Variants in WWOX observed in about 807,000 individuals in gnomAD.
WWOX encodes WW domain-containing oxidoreductase.
Under a neutral mutation model 46.2 loss-of-function variants are expected in WWOX, and 69 were observed. The ratio of observed to expected loss-of-function variants is 1.49; its 90% CI spans 1.23 to 1.82. WWOX has a LOEUF of 1.82. Among genes scored for constraint, WWOX ranks in the 40% most tolerant of loss-of-function variants. The pLI, the probability that WWOX is intolerant of heterozygous loss-of-function variation, is 0.00. For synonymous variants in WWOX, 359 were observed against 202.6 expected (o/e 1.77, Z -6.56); for missense variants, 919 against 542.6 (o/e 1.69, Z -6.89).
At chr16:78,241,632 G>A (rs927914902) in intron 5 of WWOX, among the ~76,000 whole-genome samples, 2 of 152,100 alleles carry the variant, frequency 1.3e-5, no homozygotes, top group African/African-American at 4.8e-5. Flanking sequence ...TAGAGATGGG[G>A]TTTCAGCATG....
At chr16:78,330,269 G>A (rs759045044) in intron 5 of WWOX, among the ~76,000 whole-genome samples, 2 of 151,914 alleles carry the variant, frequency 1.3e-5, no homozygotes, top group African/African-American at 4.8e-5. Context: ...CACTTAAAGT[G>A]GTTAAAATGA....
intron 8 of WWOX, among the ~76,000 whole-genome samples, chr16:79,107,567 C>G (rs745928881): frequency 2.0e-5 from 3 of 152,214 alleles, no homozygotes; most frequent in Non-Finnish European, 4.4e-5. Context: ...AAAGACCAGC[C>G]TGACTTAGCA....
At chr16:78,841,264 A>G (rs2052140964) in intron 8 of WWOX, among the ~76,000 whole-genome samples, 1 of 152,232 alleles carries the variant, frequency 6.6e-6, no homozygotes, top group Admixed American at 6.5e-5. Flanking sequence ...ATCTTGAAAC[A>G]TCATGCAGCA....
intron 8 of WWOX, among the ~76,000 whole-genome samples, chr16:79,106,298 G>C (rs956177460): frequency 2.0e-5 from 3 of 152,124 alleles, no homozygotes; most frequent in African/African-American, 7.2e-5. Context: ...TTTTTGACCT[G>C]AGACCTCAAA....
At chr16:78,500,313 T>G (rs374880688) in intron 8 of WWOX, among the ~76,000 whole-genome samples, 5 of 152,354 alleles carry the variant, frequency 3.3e-5, no homozygotes, top group African/African-American at 1.2e-4. Flanking sequence ...TTGCCAAGAT[T>G]AAATTGAATT....
chr16:79,064,450 C>A (rs924267412), intron 8 of WWOX, among the ~76,000 whole-genome samples: 7 of 152,186 alleles, frequency 4.6e-5, no homozygotes, highest in African/African-American at 1.7e-4. Context: ...TGACTCAGCA[C>A]CTGCAGAACC....
chr16:78,256,062 A>G (rs916517029), intron 5 of WWOX, among the ~76,000 whole-genome samples: 1 of 150,144 alleles, frequency 6.7e-6, no homozygotes, highest in Non-Finnish European at 1.5e-5. Flanking sequence ...AGGCAGGAGA[A>G]TCACTCGAAC....
chr16:78,213,531 A>G (rs2036625675), intron 5 of WWOX, among the ~76,000 whole-genome samples: 3 of 151,954 alleles, frequency 2.0e-5, no homozygotes, highest in Admixed American at 2.0e-4. Context: ...CATAGTGGCA[A>G]TGCGAATGGC....
At chr16:79,073,574 T>C (rs527263320) in intron 8 of WWOX, among the ~76,000 whole-genome samples, 1 of 152,344 alleles carries the variant, frequency 6.6e-6, no homozygotes, top group Non-Finnish European at 1.5e-5. Flanking sequence ...CATTTTAAGA[T>C]CAGTGTTGCA....
At chr16:78,852,148 T>G (rs1009809530) in intron 8 of WWOX, among the ~76,000 whole-genome samples, 3 of 152,222 alleles carry the variant, frequency 2.0e-5, no homozygotes, top group Non-Finnish European at 1.5e-5. Context: ...CCTTAAATAC[T>G]TAAGAGCATG....
At chr16:79,085,677 G>C (rs1274930409) in intron 8 of WWOX, among the ~76,000 whole-genome samples, 3 of 152,212 alleles carry the variant, frequency 2.0e-5, no homozygotes, top group Admixed American at 2.0e-4. Context: ...TTAGTACCTA[G>C]AAAAATGCAT....
At chr16:78,232,349 A>G (rs1042480808) in intron 5 of WWOX, among the ~76,000 whole-genome samples, 1 of 152,216 alleles carries the variant, frequency 6.6e-6, no homozygotes, top group Non-Finnish European at 1.5e-5. Context: ...GCATTTATAA[A>G]TACACAAATT....
intron 8 of WWOX, among the ~76,000 whole-genome samples, chr16:78,951,980 G>C (rs1233549910): frequency 1.3e-5 from 2 of 152,124 alleles, no homozygotes; most frequent in African/African-American, 2.4e-5. Context: ...CCAAATGTGA[G>C]TATGCCATTC....
chr16:78,154,485 CTTTTTTTTTTTTT>C (rs557916068), intron 4 of WWOX, among the ~76,000 whole-genome samples: 2 of 77,786 alleles, frequency 2.6e-5, no homozygotes, highest in African/African-American at 5.3e-5. Flanking sequence ...AATCCTTGAT[CTTTTTTTTTTTTT>C]TTTTTTTTTT....
At chr16:78,248,586 T>A (rs1415205889) in intron 5 of WWOX, among the ~76,000 whole-genome samples, 1 of 151,934 alleles carries the variant, frequency 6.6e-6, no homozygotes, top group East Asian at 1.9e-4. Flanking sequence ...AATACAAAAA[T>A]GTAGCCAGGC....
intron 5 of WWOX, among the ~76,000 whole-genome samples, chr16:78,195,174 C>T (rs1056688918): frequency 1.3e-5 from 2 of 152,304 alleles, no homozygotes; most frequent in East Asian, 3.9e-4. Context: ...AGCCCTTCCA[C>T]TTGTTCAGAT....
chr16:78,422,768 T>C (rs1188430388), intron 6 of WWOX, among the ~76,000 whole-genome samples: 41 of 120,804 alleles, frequency 3.4e-4, no homozygotes, highest in African/African-American at 1.2e-3. Flanking sequence ...CACATATATA[T>C]ACACACATAT....
Position 78,483,629 on chromosome 16 carries a change from G to A in WWOX, c.1056+50877G>A, listed in dbSNP as rs888352531. ...CCCCCTTCACATACTTATACTGTGG[G>A]CTGCATCGCTTACCAATATTTCATC... On this transcript the variant is annotated intron_variant, in intron 8 of 8. Transcript: ENST00000566780. Among the ~76,000 whole-genome samples, 3 of 151,948 alleles carry A rather than the reference G, an allele frequency of 2.0e-5. No individual in the cohort carries two copies. In the East Asian group the frequency reaches 5.8e-4, roughly 29 times the overall value.
At chr16:78,538,894 T>G (rs1385012073) in intron 8 of WWOX, among the ~76,000 whole-genome samples, 1 of 152,210 alleles carries the variant, frequency 6.6e-6, no homozygotes. Flanking sequence ...ATTTGAAAAC[T>G]TACCTTGTTT....
Sources: allele counts gnomAD v4.1 joint callset (sites outside exome capture counted in the v4.1 genomes callset), GRCh38; gene constraint gnomAD v4.1.1; transcripts MANE v1.5; gene names NCBI Gene and HGNC (gene_info 2026-07-23, HGNC 2026-07-21).